Variants in SLC12A6 observed in about 807,000 individuals in gnomAD.
The protein encoded by SLC12A6 is solute carrier family 12 member 6, also known as K-Cl cotransporter 3.
In SLC12A6, 66 loss-of-function variants were observed where a neutral mutation model predicts 135.3. The observed-to-expected ratio is 0.49, with a 90% CI of 0.40 to 0.60. The LOEUF (loss-of-function observed/expected upper bound fraction) is 0.60. Among genes scored for constraint, SLC12A6 ranks in the 20% least tolerant of loss-of-function variants. SLC12A6 has a pLI of 0.00. For missense variants in SLC12A6, 1,058 were observed against 1,452.3 expected, an observed-to-expected ratio of 0.73 and a Z score of 4.41; for synonymous variants, 513 against 508.8, an observed-to-expected ratio of 1.01 and a Z score of -0.11.
intron 4 of SLC12A6, among the ~76,000 whole-genome samples, chr15:34,260,547 C>A (rs548704212): frequency 6.6e-6 from 1 of 152,170 alleles, no homozygotes; most frequent in South Asian, 2.1e-4. Flanking sequence ...CGTGAGCCAC[C>A]GCGCCCGGCC....
At position 34,251,037 on chromosome 15, in the gene SLC12A6, G is replaced by A. The variant is rs756029842; in HGVS notation, c.1354C>T (p.Leu452=). ...IITENLWSNY[L]PKGEIIEKPS... ...TTTTCGATGATCTCTCCCTTGGGTA[G>A]GTAATTACTCCAAAGATTCTCTGCA... Residue 452 remains leucine (L), a synonymous_variant, in exon 11 of 26, where the codon CTA becomes TTA. Coordinates refer to ENST00000354181, the MANE Select transcript of SLC12A6 (RefSeq NM_001365088.1). 2 of 1,609,992 alleles carry A rather than the reference G, an allele frequency of 1.2e-6. No homozygotes were observed. Among genetic ancestry groups the A allele is most frequent in the South Asian group, 2.2e-5 (2 of 90,988 alleles).
chr15:34,332,810 G>T (rs891756139), intron 2 of SLC12A6, among the ~76,000 whole-genome samples: 2 of 151,606 alleles, frequency 1.3e-5, no homozygotes, highest in African/African-American at 4.8e-5. Flanking sequence ...AAGAAAAAAA[G>T]TATTAGGTCC....
chr15:34,268,003 C>T (rs1200171252), intron 3 of SLC12A6, among the ~76,000 whole-genome samples: 1 of 152,126 alleles, frequency 6.6e-6, no homozygotes, highest in Admixed American at 6.6e-5. Flanking sequence ...TGCTCATCTT[C>T]CTAACTGCAT....
chr15:34,278,928 T>C (rs184393539), intron 2 of SLC12A6, among the ~76,000 whole-genome samples: 1 of 152,166 alleles, frequency 6.6e-6, no homozygotes, highest in East Asian at 1.9e-4. Flanking sequence ...TTTTCATTTA[T>C]TATAATTGAA....
At position 34,233,533 on chromosome 15, in the gene SLC12A6, G is replaced by T; in HGVS notation, c.*348C>A. 1 of 289,642 alleles carries T rather than the reference G, an allele frequency of 3.5e-6. No individual in the cohort carries two copies. Among genetic ancestry groups the T allele is most frequent in the Non-Finnish European group, 6.8e-6 (1 of 147,170 alleles). 17.9% of individuals were successfully genotyped at this position (289,642 alleles called of 1,614,324 possible). A position where few individuals can be genotyped will look rare whatever the true frequency, so the allele number is the denominator to read the frequency against. On this transcript the variant is annotated 3_prime_UTR_variant, in exon 26 of 26. Transcript: ENST00000354181. ...GAGATTCATCTTTAATGCTGAATAC[G>T]TACTTGACTTGCTTTTTTTCTTCAG...
At chr15:34,304,460 T>C (rs1242791270) in intron 2 of SLC12A6, among the ~76,000 whole-genome samples, 1 of 152,242 alleles carries the variant, frequency 6.6e-6, no homozygotes, top group Non-Finnish European at 1.5e-5. Flanking sequence ...TAAGAAACTG[T>C]CAAATTGTTT....
chr15:34,315,053 A>G (rs1888540544), intron 2 of SLC12A6, among the ~76,000 whole-genome samples: 1 of 152,206 alleles, frequency 6.6e-6, no homozygotes, highest in Non-Finnish European at 1.5e-5. Flanking sequence ...TTGAGCAAAG[A>G]AAGTAGTTTC....
At chr15:34,251,891 C>T (rs1012509446) in intron 10 of SLC12A6, among the ~76,000 whole-genome samples, 7 of 152,146 alleles carry the variant, frequency 4.6e-5, no homozygotes, top group Non-Finnish European at 8.8e-5. Flanking sequence ...CAAGAATACA[C>T]GGAATATTTT....
chr15:34,300,782 T>G, intron 2 of SLC12A6, among the ~76,000 whole-genome samples: 3 of 110,642 alleles, frequency 2.7e-5, no homozygotes, highest in Non-Finnish European at 5.1e-5. Flanking sequence ...GGAGACAGAG[T>G]GACTCCGTCT....
At chr15:34,315,636 A>G (rs1163966840) in intron 2 of SLC12A6, among the ~76,000 whole-genome samples, 1 of 152,216 alleles carries the variant, frequency 6.6e-6, no homozygotes, top group African/African-American at 2.4e-5. Context: ...TGCACACTTA[A>G]CAGACTACAG....
intron 11 of SLC12A6, 45 bp downstream of exon 11, chr15:34,250,854 G>C (rs10851964): frequency 6.5e-7 from 1 of 1,543,202 alleles, no homozygotes; most frequent in Non-Finnish European, 9.0e-7. Flanking sequence ...AAATCACTCC[G>C]TGGGTCTGAC....
At chr15:34,263,376 A>G (rs1317306723) in intron 3 of SLC12A6, among the ~76,000 whole-genome samples, 2 of 152,036 alleles carry the variant, frequency 1.3e-5, no homozygotes, top group African/African-American at 4.8e-5. Flanking sequence ...GATCCACTGC[A>G]CTCCAGCCTG....
chr15:34,326,706 T>C (rs959802113), intron 2 of SLC12A6, among the ~76,000 whole-genome samples: 16 of 151,120 alleles, frequency 1.1e-4, no homozygotes, highest in Admixed American at 3.3e-4. Flanking sequence ...TTTTTTTTTT[T>C]TTTGATACAG....
At position 34,239,149 on chromosome 15, in the gene SLC12A6, G is replaced by T; in HGVS notation, c.2448C>A (p.His816Gln). Residue 816 changes from histidine to glutamine, a missense_variant, in exon 20 of 26, where the codon CAC becomes CAA. By Grantham distance (24) the His-to-Gln change is conservative (BLOSUM62 0). This residue lies in a region of SLC12A6 where 245 missense variants were observed against 440.8 expected (regional missense o/e 0.56). Coordinates refer to ENST00000354181, the MANE Select transcript of SLC12A6 (RefSeq NM_001365088.1). ...EALAAEQTIKHLMEAEKVKGF... is the reference protein window; with the variant it reads ...EALAAEQTIKQLMEAEKVKGF... ...CTTTTACCTTCTCTGCCTCCATTAG[G>T]TGCTTTATGGTCTGAAAGAGACACA... The T allele has an allele frequency of 6.2e-7, 1 of 1,613,104 alleles. No individual in the cohort carries two copies. Among genetic ancestry groups the T allele is most frequent in the African/African-American group, 1.3e-5 (1 of 75,010 alleles).
rs1890216479 is a variant in SLC12A6, at chr15:34,336,615, G to C, written c.66C>G (p.Ile22Met). 2 of 1,613,196 alleles carry C rather than the reference G, an allele frequency of 1.2e-6. No individual in the cohort carries two copies. Among genetic ancestry groups the C allele is most frequent in the Non-Finnish European group, 8.5e-7 (1 of 1,179,192 alleles). ...TGTCTGACAAACCTGGAATGTCATC[G>C]ATCTTTGTCGGTGTCACCATGAACC... is the stretch of plus-strand genomic sequence containing the variant. Reference protein sequence around the residue: ...SVRFMVTPTKIDDIPGLSDTS... With the variant: ...SVRFMVTPTKMDDIPGLSDTS... The change falls in exon 2 of 26, where the codon ATC becomes ATG. Residue 22 changes from isoleucine (I) to methionine (M), a missense_variant. Ile to Met is a conservative substitution (Grantham distance 10). Around this residue, in one of 6 missense-constraint regions of SLC12A6, gnomAD observed 176 missense variants for 168.9 expected, o/e 1.04. Transcript: ENST00000354181.
intron 2 of SLC12A6, among the ~76,000 whole-genome samples, chr15:34,293,050 A>G (rs547228609): frequency 2.6e-5 from 4 of 152,264 alleles, no homozygotes; most frequent in African/African-American, 9.6e-5. Context: ...AATGAGATGA[A>G]CCAGGTACCT....
At chr15:34,302,973 A>G (rs1896362529) in intron 2 of SLC12A6, among the ~76,000 whole-genome samples, 1 of 151,324 alleles carries the variant, frequency 6.6e-6, no homozygotes, top group East Asian at 1.9e-4. Flanking sequence ...AAAAAAAAAA[A>G]AAAAAAAGAT....
chr15:34,259,038 G>GA (rs892480771), intron 4 of SLC12A6, 94 bp from the exon 5 acceptor site: 75 of 1,109,728 alleles, frequency 6.8e-5, no homozygotes, highest in Non-Finnish European at 8.1e-6. Flanking sequence ...CAAATTAAAT[G>GA]AAAAAATATT....
intron 2 of SLC12A6, among the ~76,000 whole-genome samples, chr15:34,310,710 T>A (rs1285406543): frequency 9.3e-6 from 1 of 107,820 alleles, no homozygotes. Flanking sequence ...GGCTCAAGAG[T>A]GTGTGTGTGT....
Sources: allele counts gnomAD v4.1 joint callset (sites outside exome capture counted in the v4.1 genomes callset), GRCh38; gene constraint gnomAD v4.1.1; regional missense constraint gnomAD v4.1.1; transcripts MANE v1.5; gene names NCBI Gene and HGNC (gene_info 2026-07-23, HGNC 2026-07-21).